Variants in EBF1 observed in about 807,000 individuals in gnomAD.
EBF1 encodes the protein EBF transcription factor 1, also known as transcription factor COE1.
Under a neutral mutation model 68.4 loss-of-function variants are expected in EBF1, and 10 were observed. The observed-to-expected ratio is 0.15, with a 90% CI of 0.09 to 0.25. The LOEUF is 0.25. Ranked by LOEUF, EBF1 falls within the 10% of genes least tolerant of loss-of-function variation. The probability of loss-of-function intolerance (pLI) is 1.00; values close to 1 mark genes in which losing one functional copy is unlikely to be tolerated. For synonymous variants in EBF1, 298 were observed against 299.8 expected, an observed-to-expected ratio of 0.99 and a Z score of 0.06; for missense variants, 509 against 794.4, an observed-to-expected ratio of 0.64 and a Z score of 4.32.
chr5:158,792,390 A>C (rs973562092), intron 9 of EBF1, among the ~76,000 whole-genome samples: 2 of 152,184 alleles, frequency 1.3e-5, no homozygotes, highest in African/African-American at 4.8e-5. Flanking sequence ...TCAGGGGGTG[A>C]TCCATGAGCT....
intron 13 of EBF1, among the ~76,000 whole-genome samples, 178 bp from the exon 14 acceptor site, chr5:158,712,511 G>A (rs563359733): frequency 3.3e-5 from 5 of 152,136 alleles, no homozygotes; most frequent in East Asian, 1.9e-4. Flanking sequence ...AATGGGAAGC[G>A]AGCAAAAGAC....
intron 6 of EBF1, among the ~76,000 whole-genome samples, chr5:159,013,979 C>T (rs1339848954): frequency 6.6e-6 from 1 of 152,096 alleles, no homozygotes; most frequent in Admixed American, 6.5e-5. Context: ...TCCCAATTAG[C>T]CCACTCCTTT....
chr5:159,001,788 G>A (rs1363768116), intron 6 of EBF1, among the ~76,000 whole-genome samples: 1 of 152,182 alleles, frequency 6.6e-6, no homozygotes, highest in East Asian at 1.9e-4. Flanking sequence ...CCACAATATT[G>A]TTTGATACAG....
intron 6 of EBF1, chr5:158,985,711 C>T (rs1227416448): frequency 6.6e-6 from 1 of 152,104 alleles, no homozygotes; most frequent in East Asian, 1.9e-4. Flanking sequence ...CACTATTATC[C>T]ACAAAAGCCA....
intron 6 of EBF1, among the ~76,000 whole-genome samples, chr5:159,003,179 C>G (rs869592): frequency 0.2 from 29,710 of 152,088 alleles, 3,704 homozygotes; most frequent in South Asian, 0.42. Context: ...TTTGCTAACT[C>G]TGTTAGTCAC....
chr5:158,814,859 A>G lies in EBF1; in HGVS notation c.778+8317T>C, dbSNP rs184556369. Among the ~76,000 whole-genome samples the G allele has an allele frequency of 5.3e-5, 8 of 152,358 alleles. 1 individual carries two copies. Among genetic ancestry groups the G allele is most frequent in the South Asian group, 2.1e-4 (1 of 4,820 alleles). On this transcript the variant is annotated intron_variant, in intron 8 of 15. Transcript: ENST00000313708. ...TAAAATCAGCATTTTTTAAAATTCA[A>G]CTAGCAGAATGTGTCCCAGCCATGG...
At chr5:159,055,108 G>A (rs1293331579) in intron 6 of EBF1, among the ~76,000 whole-genome samples, 1 of 152,174 alleles carries the variant, frequency 6.6e-6, no homozygotes, top group African/African-American at 2.4e-5. Context: ...CCTTGGATGA[G>A]GTAAGGAAGA....
intron 6 of EBF1, among the ~76,000 whole-genome samples, chr5:158,866,833 GTATATATATATATATATATATA>G (rs70987938): frequency 0.033 from 3,071 of 92,474 alleles, 46 homozygotes; most frequent in Admixed American, 0.065. Flanking sequence ...ATATGTATAT[GTATATATATATATATATATATA>G]TATATATATA....
chr5:159,088,575 A>T (rs1206044236), intron 4 of EBF1, among the ~76,000 whole-genome samples: 1 of 152,172 alleles, frequency 6.6e-6, no homozygotes, highest in Non-Finnish European at 1.5e-5. Context: ...GCATATAAAC[A>T]GCATTGGCTA....
At chr5:158,923,566 G>A (rs889139588) in intron 6 of EBF1, among the ~76,000 whole-genome samples, 1 of 152,024 alleles carries the variant, frequency 6.6e-6, no homozygotes, top group Non-Finnish European at 1.5e-5. Flanking sequence ...CTGCAATATC[G>A]GGCAAAGAAT....
chr5:159,009,863 G>A (rs902291247), intron 6 of EBF1, among the ~76,000 whole-genome samples: 1 of 151,900 alleles, frequency 6.6e-6, no homozygotes, highest in African/African-American at 2.4e-5. Context: ...AAAGAAACGT[G>A]GAAAACCTCA....
At chr5:158,780,778 G>T (rs1007356532) in intron 9 of EBF1, among the ~76,000 whole-genome samples, 7 of 152,102 alleles carry the variant, frequency 4.6e-5, no homozygotes, top group Non-Finnish European at 1.0e-4. Context: ...AGAAACAAAA[G>T]GAGTGATGAA....
At chr5:158,804,009 A>T (rs1403798069) in intron 8 of EBF1, among the ~76,000 whole-genome samples, 1 of 142,812 alleles carries the variant, frequency 7.0e-6, no homozygotes, top group East Asian at 2.0e-4. Flanking sequence ...GGAGAAATGT[A>T]ACCCATGATA....
chr5:158,991,703 G>A (rs925010897), intron 6 of EBF1, among the ~76,000 whole-genome samples: 3 of 152,146 alleles, frequency 2.0e-5, no homozygotes, highest in Admixed American at 1.3e-4. Context: ...AGGTGATTAC[G>A]GCAAGTCATT....
chr5:159,065,615 C>T (rs1406058383), intron 6 of EBF1, among the ~76,000 whole-genome samples: 1 of 151,684 alleles, frequency 6.6e-6, no homozygotes, highest in African/African-American at 2.4e-5. Context: ...CAAAAAAGTT[C>T]TTGAGGGATT....
At chr5:159,089,755 T>C (rs1250966512) in intron 4 of EBF1, among the ~76,000 whole-genome samples, 1 of 139,742 alleles carries the variant, frequency 7.2e-6, no homozygotes, top group Non-Finnish European at 1.6e-5. Context: ...AAACTTATCA[T>C]CATTAGTTGA....
intron 10 of EBF1, among the ~76,000 whole-genome samples, chr5:158,759,466 T>G (rs1187506351): frequency 3.9e-5 from 6 of 152,310 alleles, no homozygotes; most frequent in Admixed American, 1.3e-4. Flanking sequence ...GTACGGCTCA[T>G]ATTTCTAGAT....
At chr5:159,065,383 G>A (rs1001433139) in intron 6 of EBF1, among the ~76,000 whole-genome samples, 2 of 152,092 alleles carry the variant, frequency 1.3e-5, no homozygotes, top group Non-Finnish European at 2.9e-5. Context: ...CGGCACTGGC[G>A]GGGAGCAGCA....
rs1037832843 is a variant in EBF1, at chr5:158,728,172, C to T, written c.1125+2897G>A. ...GCCACTTCCTGACCCTGCCCTTGAA[C>T]TCTCGCTCCACTTTAACATTCAAAG... is the stretch of plus-strand genomic sequence containing the variant. On this transcript the variant is annotated intron_variant, in intron 11 of 15. Coordinates refer to ENST00000313708, the MANE Select transcript of EBF1 (RefSeq NM_024007.5). Among the ~76,000 whole-genome samples, 6 of 152,194 alleles carry T rather than the reference C, an allele frequency of 3.9e-5. No homozygotes were observed. In the East Asian group the frequency reaches 1.2e-3, roughly 29 times the overall value.
Sources: allele counts gnomAD v4.1 joint callset (sites outside exome capture counted in the v4.1 genomes callset), GRCh38; gene constraint gnomAD v4.1.1; transcripts MANE v1.5; gene names NCBI Gene and HGNC (gene_info 2026-07-23, HGNC 2026-07-21).